Variants in DSCAM observed in about 807,000 individuals in gnomAD.
DSCAM encodes the protein cell adhesion molecule DSCAM.
DSCAM carries 47 observed loss-of-function variants against 217.7 expected under a neutral mutation model. That is an observed-to-expected ratio of 0.22 (90% confidence interval 0.17 to 0.28). The LOEUF (loss-of-function observed/expected upper bound fraction) is 0.28, where lower values mean the gene tolerates loss of function less well. DSCAM is among the 10% of genes least tolerant of loss of function. DSCAM has a pLI of 1.00. For missense variants in DSCAM, 2,080 were observed against 2,618.3 expected (o/e 0.79, Z 4.49); for synonymous variants, 1,056 against 1,015.3 (o/e 1.04, Z -0.76).
intron 3 of DSCAM, among the ~76,000 whole-genome samples, chr21:40,372,763 A>G (rs2074911430): frequency 6.6e-6 from 1 of 152,254 alleles, no homozygotes; most frequent in Non-Finnish European, 1.5e-5. Flanking sequence ...TGAGAGTTAG[A>G]AAACAGACAT....
chr21:40,654,772 C>T (rs1219801763), intron 3 of DSCAM, among the ~76,000 whole-genome samples: 2 of 152,190 alleles, frequency 1.3e-5, no homozygotes, highest in African/African-American at 4.8e-5. Flanking sequence ...CCTTGAACAA[C>T]ACCGGGCCCA....
chr21:40,175,576 T>C (rs1052336561), intron 15 of DSCAM, among the ~76,000 whole-genome samples: 3 of 152,042 alleles, frequency 2.0e-5, no homozygotes, highest in Non-Finnish European at 2.9e-5. Context: ...TATTGGGCCT[T>C]GGGCCTATTG....
chr21:40,691,901 G>A (rs7280044), intron 3 of DSCAM, among the ~76,000 whole-genome samples: 3,501 of 152,316 alleles, frequency 0.023, 61 homozygotes, highest in African/African-American at 0.04. Context: ...CAAAAACGGT[G>A]TGTCACCGTG....
At chr21:40,324,979 T>C (rs1280229226) in intron 8 of DSCAM, among the ~76,000 whole-genome samples, 6 of 152,176 alleles carry the variant, frequency 3.9e-5, no homozygotes, top group Admixed American at 3.9e-4. Context: ...GTAAACAAGA[T>C]TCATAAAATC....
chr21:40,580,550 A>G (rs1221073332), intron 3 of DSCAM, among the ~76,000 whole-genome samples: 1 of 152,040 alleles, frequency 6.6e-6, no homozygotes, highest in African/African-American at 2.4e-5. Flanking sequence ...AAAAAAAACA[A>G]AACAGACTAC....
At chr21:40,631,779 T>C (rs1047471408) in intron 3 of DSCAM, among the ~76,000 whole-genome samples, 1 of 152,138 alleles carries the variant, frequency 6.6e-6, no homozygotes, top group African/African-American at 2.4e-5. Context: ...CAGCAACACA[T>C]CTGATCTCTG....
At chr21:40,333,547 T>C (rs895621844) in intron 8 of DSCAM, among the ~76,000 whole-genome samples, 2 of 152,180 alleles carry the variant, frequency 1.3e-5, no homozygotes, top group African/African-American at 4.8e-5. Context: ...GTATTTTTAG[T>C]AGAGACCAGG....
At chr21:40,459,251 T>C (rs1475795646) in intron 3 of DSCAM, among the ~76,000 whole-genome samples, 1 of 151,796 alleles carries the variant, frequency 6.6e-6, no homozygotes, top group Non-Finnish European at 1.5e-5. Flanking sequence ...CAAAACAAAA[T>C]TAGAAATGAG....
intron 3 of DSCAM, among the ~76,000 whole-genome samples, chr21:40,531,057 A>G (rs1241013619): frequency 6.6e-6 from 1 of 152,056 alleles, no homozygotes; most frequent in East Asian, 1.9e-4. Flanking sequence ...TCCCACGACT[A>G]TTTTCCACAC....
rs572279241 is a variant in DSCAM, at chr21:40,122,807, C to T, written c.3696+1388G>A. ...CACACCTTGCTTTTTCAGCAACAGA[C>T]GGAACTTCATGGGCCAAGCAAGCCC... On this transcript the variant is annotated intron_variant, in intron 20 of 32. Transcript: ENST00000400454. Among the ~76,000 whole-genome samples the T allele has an allele frequency of 1.5e-4, 23 of 152,260 alleles. No homozygotes were observed. The South Asian group carries it at 4.4e-3, about 29-fold the overall frequency.
intron 16 of DSCAM, among the ~76,000 whole-genome samples, chr21:40,159,300 T>G (rs1215150171): frequency 6.6e-6 from 1 of 152,230 alleles, no homozygotes; most frequent in Admixed American, 6.5e-5. Context: ...TGTATCTCAC[T>G]TGATTTCTCT....
intron 15 of DSCAM, among the ~76,000 whole-genome samples, chr21:40,169,149 C>G (rs950551832): frequency 6.6e-6 from 1 of 152,042 alleles, no homozygotes; most frequent in African/African-American, 2.4e-5. Flanking sequence ...GGCAAAGGAA[C>G]AAATACCTCT....
At chr21:40,767,733 T>C (rs558873036) in intron 1 of DSCAM, among the ~76,000 whole-genome samples, 1 of 152,352 alleles carries the variant, frequency 6.6e-6, no homozygotes, top group African/African-American at 2.4e-5. Context: ...CATTTGGTCC[T>C]GAGCATCACA....
intron 24 of DSCAM, among the ~76,000 whole-genome samples, chr21:40,081,031 G>C (rs1399202654): frequency 6.6e-6 from 1 of 152,160 alleles, no homozygotes; most frequent in Non-Finnish European, 1.5e-5. Context: ...CAACCCTATG[G>C]AACAGTGACG....
chr21:40,734,283 A>G (rs2091041297), intron 1 of DSCAM, among the ~76,000 whole-genome samples: 1 of 152,180 alleles, frequency 6.6e-6, no homozygotes. Context: ...CGGGGCTACA[A>G]GAGGAGAGCA....
intron 16 of DSCAM, among the ~76,000 whole-genome samples, chr21:40,151,555 G>A (rs1186987410): frequency 6.6e-6 from 1 of 152,238 alleles, no homozygotes; most frequent in Non-Finnish European, 1.5e-5. Flanking sequence ...AGATGGAGAA[G>A]AGAATGGTTT....
At chr21:40,789,695 A>T (rs2091623246) in intron 1 of DSCAM, among the ~76,000 whole-genome samples, 1 of 151,836 alleles carries the variant, frequency 6.6e-6, no homozygotes, top group African/African-American at 2.4e-5. Context: ...AGCTGGGACT[A>T]CAGGTGCCCA....
intron 1 of DSCAM, among the ~76,000 whole-genome samples, chr21:40,836,889 G>A (rs372997718): frequency 6.6e-6 from 1 of 152,154 alleles, no homozygotes; most frequent in African/African-American, 2.4e-5. Context: ...AACACCTGGG[G>A]AGCTTTCCAA....
Position 40,798,946 on chromosome 21 carries a change from C to A in DSCAM, c.43+47673G>T, listed in dbSNP as rs534143443. ...CATAAAAACAGGAAAATTCCATTCCCAATGCTATAAAACTATAGCCTAAGC... is the reference window on the plus strand; with the variant it reads ...CATAAAAACAGGAAAATTCCATTCCAAATGCTATAAAACTATAGCCTAAGC... On this transcript the variant is annotated intron_variant, in intron 1 of 32. Coordinates refer to ENST00000400454, the MANE Select transcript of DSCAM (RefSeq NM_001389.5). 6.6e-5 allele frequency among the ~76,000 whole-genome samples: 10 copies of A among 152,104 alleles called. No individual in the cohort carries two copies. In the East Asian group the frequency reaches 1.7e-3, roughly 26 times the overall value.
Sources: gnomAD v4.1 joint callset for allele counts (sites outside exome capture counted in the v4.1 genomes callset) on GRCh38, gnomAD v4.1.1 for gene constraint, MANE v1.5 for transcripts, NCBI Gene and HGNC (gene_info 2026-07-23, HGNC 2026-07-21) for gene names.